Variants in KY observed in about 807,000 individuals in gnomAD.
The protein encoded by KY is kyphoscoliosis peptidase.
KY carries 43 observed loss-of-function variants against 76.1 expected under a neutral mutation model. The observed-to-expected ratio is 0.57, with a 90% CI of 0.44 to 0.73. The LOEUF is 0.73. Ranked by LOEUF, KY falls within the 30% of genes least tolerant of loss-of-function variation. KY has a pLI of 0.00. For synonymous variants in KY, 277 were observed against 326.2 expected, an observed-to-expected ratio of 0.85 and a Z score of 1.63; for missense variants, 722 against 828.9, an observed-to-expected ratio of 0.87 and a Z score of 1.58.
chr3:134,611,107 C>A (rs1960360272), intron 8 of KY, among the ~76,000 whole-genome samples: 1 of 152,208 alleles, frequency 6.6e-6, no homozygotes, highest in Admixed American at 6.5e-5. Context: ...CATTTGCTGA[C>A]TGCCTGCCCT....
intron 3 of KY, among the ~76,000 whole-genome samples, chr3:134,632,181 C>T (rs116509654): frequency 0.02 from 3,045 of 152,106 alleles, 98 homozygotes; most frequent in African/African-American, 0.07. Context: ...GAGATTTTAA[C>T]ACTAATCTTT....
At chr3:134,650,422 G>A (rs551963191) in intron 1 of KY, among the ~76,000 whole-genome samples, 2 of 152,260 alleles carry the variant, frequency 1.3e-5, no homozygotes, top group South Asian at 2.1e-4. Context: ...GTTTCCCAGC[G>A]TCCCCTGTGC....
chr3:134,601,132 A>G lies in KY; in HGVS notation c.*2447T>C, dbSNP rs1174242224. ...ACTCCGAATGTCTACCCTGAGCAGC[A>G]TGCGTGTAAAAATTCATGAAGATTA... On this transcript the variant is annotated 3_prime_UTR_variant, in exon 11 of 11. Transcript: ENST00000423778. 2.0e-5 allele frequency: 3 copies of G among 152,242 alleles called. No individual in the cohort carries two copies. Among genetic ancestry groups the G allele is most frequent in the Non-Finnish European group, 4.4e-5 (3 of 68,044 alleles). The allele number at this position is 152,242 out of a possible 1,614,324, so 9.4% of individuals were successfully genotyped here. A position where few individuals can be genotyped will look rare whatever the true frequency, so the allele number is the denominator to read the frequency against.
At chr3:134,616,478 T>G (rs1384373565) in intron 8 of KY, among the ~76,000 whole-genome samples, 1 of 152,186 alleles carries the variant, frequency 6.6e-6, no homozygotes, top group Non-Finnish European at 1.5e-5. Context: ...GCAGTTATTT[T>G]AAAGGTAAAG....
intron 1 of KY, among the ~76,000 whole-genome samples, chr3:134,650,428 T>C (rs1966853514): frequency 6.6e-6 from 1 of 152,186 alleles, no homozygotes; most frequent in Non-Finnish European, 1.5e-5. Flanking sequence ...CAGCGTCCCC[T>C]GTGCCCTGCA....
chr3:134,608,100 A>G (rs1236297185), intron 10 of KY: 3 of 1,127,130 alleles, frequency 2.7e-6, no homozygotes, highest in African/African-American at 3.2e-5. Context: ...TGGGAGACCC[A>G]TGTTGCTCCC....
Position 134,627,295 on chromosome 3 carries a change from T to G in KY, c.400+461A>C, listed in dbSNP as rs560431442. Among the ~76,000 whole-genome samples, 87 of 152,238 alleles carry G rather than the reference T, an allele frequency of 5.7e-4. 2 individuals carry two copies. Among genetic ancestry groups the G allele is most frequent in the African/African-American group, 2.0e-3 (82 of 41,536 alleles). On this transcript the variant is annotated intron_variant, in intron 5 of 10. Coordinates refer to ENST00000423778, the MANE Select transcript of KY (RefSeq NM_178554.6). ...GAGCTGCACCCCGCCTTAGATGACA[T>G]CTGGTCTACTGAGGGGGAAACTGAG...
At chr3:134,608,491 C>G (rs1377846959) in intron 10 of KY, 158 bp downstream of exon 10, 6 of 1,546,650 alleles carry the variant, frequency 3.9e-6, no homozygotes, top group African/African-American at 1.4e-5. Context: ...TCAGCAGCCT[C>G]CACTCATCCA....
At chr3:134,647,549 T>C (rs1021110990) in intron 1 of KY, 52 bp from the exon 2 acceptor site, 1 of 1,137,116 alleles carries the variant, frequency 8.8e-7, no homozygotes, top group Non-Finnish European at 1.3e-6. Context: ...AAAAGAGTGA[T>C]GTACCAGTTG....
chr3:134,603,805 C>T lies in KY; in HGVS notation c.1760G>A (p.Gly587Asp). Residue 587 changes from glycine to aspartate, a missense_variant, in exon 11 of 11, where the codon GGT (glycine) becomes GAT (aspartate). Physicochemically the swap from Gly to Asp is moderately conservative, Grantham distance 94. This residue lies in a region of KY where 552 missense variants were observed against 680.9 expected (regional missense o/e 0.81). Coordinates refer to ENST00000423778, the MANE Select transcript of KY (RefSeq NM_178554.6). ...QDNELLEPLS[G>D]VLPANRNVPF... ...GACATTCCGGTTGGCAGGAAGCACA[C>T]CTGACAGAGGTTCCAGCAGCTCATT... 1 of 1,613,758 alleles carries T rather than the reference C, an allele frequency of 6.2e-7. No individual in the cohort carries two copies. Among genetic ancestry groups the T allele is most frequent in the Non-Finnish European group, 8.5e-7 (1 of 1,179,782 alleles).
chr3:134,608,187 G>A (rs1959590800), intron 10 of KY: 2 of 1,169,094 alleles, frequency 1.7e-6, no homozygotes, highest in Admixed American at 7.6e-5. Context: ...CAGGAGTTGG[G>A]GAAGAGAACA....
intron 8 of KY, among the ~76,000 whole-genome samples, chr3:134,615,905 G>T (rs1260051025): frequency 6.6e-6 from 1 of 152,192 alleles, no homozygotes; most frequent in Admixed American, 6.5e-5. Flanking sequence ...TGGAGGATGA[G>T]TGGAAAGCCA....
chr3:134,631,313 A>G (rs776091376), intron 3 of KY, among the ~76,000 whole-genome samples: 4 of 152,230 alleles, frequency 2.6e-5, no homozygotes, highest in Non-Finnish European at 5.9e-5. Context: ...AAAAATATGG[A>G]AAGTAGCCAG....
At chr3:134,631,665 T>C (rs1252707796) in intron 3 of KY, among the ~76,000 whole-genome samples, 1 of 152,082 alleles carries the variant, frequency 6.6e-6, no homozygotes, top group Non-Finnish European at 1.5e-5. Context: ...TTGTAATAGA[T>C]TATGAAAAGT....
chr3:134,626,872 C>G (rs1429352274), intron 5 of KY, among the ~76,000 whole-genome samples: 2 of 152,204 alleles, frequency 1.3e-5, no homozygotes, highest in African/African-American at 4.8e-5. Context: ...CCTGCTGAGC[C>G]TTGCCTCTTT....
At chr3:134,617,892 G>C (rs1961853601) in intron 8 of KY, among the ~76,000 whole-genome samples, 1 of 152,092 alleles carries the variant, frequency 6.6e-6, no homozygotes, top group African/African-American at 2.4e-5. Context: ...TAGATAGTGT[G>C]ATCCTTTAGT....
chr3:134,613,413 A>G (rs533970627), intron 8 of KY, among the ~76,000 whole-genome samples: 1 of 152,312 alleles, frequency 6.6e-6, no homozygotes, highest in Non-Finnish European at 1.5e-5. Flanking sequence ...CCTGGAAAGG[A>G]GAGCAGGAGG....
In KY at chr3:134,650,955, C is replaced by T. The variant is rs759561819; in HGVS notation, c.6G>A (p.Glu2=). 5 of 1,613,106 alleles carry T rather than the reference C, an allele frequency of 3.1e-6. No homozygotes were observed. The African/African-American group carries it at 6.7e-5, about 22-fold the overall frequency. ...ATACAGCGTTGATGTCCTTCTTCAG[C>T]TCCATGATGCCGCCTCCTTTCCGAC... M[E]LKKDINAVSI... Residue 2 remains glutamate, a synonymous_variant, in exon 1 of 11, where the codon GAG becomes GAA. Transcript: ENST00000423778.
chr3:134,608,380 C>A, intron 10 of KY: 2 of 1,408,800 alleles, frequency 1.4e-6, no homozygotes, highest in Non-Finnish European at 1.9e-6. Context: ...AACCTGCAGC[C>A]TTCAGACACA....
Sources: allele counts gnomAD v4.1 joint callset (sites outside exome capture counted in the v4.1 genomes callset), GRCh38; gene constraint gnomAD v4.1.1; regional missense constraint gnomAD v4.1.1; transcripts MANE v1.5; gene names NCBI Gene and HGNC (gene_info 2026-07-23, HGNC 2026-07-21).